The following ADCY9 variants were observed in gnomAD, a reference collection of about 807,000 sequenced individuals.
ADCY9 encodes the protein adenylate cyclase type 9.
In ADCY9, 50 loss-of-function variants were observed where a neutral mutation model predicts 101.5. The ratio of observed to expected loss-of-function variants is 0.49; its 90% CI spans 0.39 to 0.62. The LOEUF is 0.62. Ranked by LOEUF, ADCY9 falls within the 20% of genes least tolerant of loss-of-function variation. The probability of loss-of-function intolerance (pLI) is 0.00; values close to 1 mark genes in which losing one functional copy is unlikely to be tolerated. For synonymous variants in ADCY9, 905 were observed against 769.3 expected (o/e 1.18, Z -2.92); for missense variants, 1,662 against 1,800.4 (o/e 0.92, Z 1.39).
In ADCY9 at chr16:4,072,194, G is replaced by C. The variant is rs369598854; in HGVS notation, c.1693+41556C>G. ...TACAGTATCAAGCACCCTCCTTAAA[G>C]GCTCAGGGACCATGAAGGAAGAAGA... is the stretch of plus-strand genomic sequence containing the variant. On this transcript the variant is annotated intron_variant, in intron 2 of 10. Coordinates refer to ENST00000294016, the MANE Select transcript of ADCY9 (RefSeq NM_001116.4). Among the ~76,000 whole-genome samples, 41 of 152,258 alleles carry C rather than the reference G, an allele frequency of 2.7e-4. No homozygotes were observed. The South Asian group carries it at 8.1e-3, about 30-fold the overall frequency.
At chr16:4,023,624 T>C (rs2056493527) in intron 2 of ADCY9, among the ~76,000 whole-genome samples, 1 of 152,164 alleles carries the variant, frequency 6.6e-6, no homozygotes. Flanking sequence ...TTAAGAGGTT[T>C]CTGCCTGGCC....
At chr16:4,088,231 C>A (rs891946764) in intron 2 of ADCY9, among the ~76,000 whole-genome samples, 1 of 152,026 alleles carries the variant, frequency 6.6e-6, no homozygotes, top group African/African-American at 2.4e-5. Flanking sequence ...TCATGGTCAG[C>A]ATGAATCACA....
intron 2 of ADCY9, among the ~76,000 whole-genome samples, chr16:4,078,026 T>C (rs2056878800): frequency 6.7e-6 from 1 of 150,348 alleles, no homozygotes; most frequent in African/African-American, 2.4e-5. Flanking sequence ...TCAGACACAA[T>C]AAGCATTCAA....
chr16:3,974,835 C>T, intron 9 of ADCY9, 125 bp from the exon 10 acceptor site: 2 of 670,856 alleles, frequency 3.0e-6, no homozygotes, highest in South Asian at 1.7e-5. Context: ...CACATAAAGC[C>T]ACCTGCTCCC....
intron 2 of ADCY9, among the ~76,000 whole-genome samples, chr16:4,026,994 C>A (rs545834957): frequency 2.0e-5 from 3 of 152,218 alleles, no homozygotes; most frequent in Non-Finnish European, 4.4e-5. Context: ...CCTCCCGCAA[C>A]CAACCAGACT....
intron 2 of ADCY9, among the ~76,000 whole-genome samples, chr16:4,106,502 C>T (rs2057078280): frequency 6.6e-6 from 1 of 152,198 alleles, no homozygotes; most frequent in Non-Finnish European, 1.5e-5. Flanking sequence ...ATGCTAGTTC[C>T]TGTTGGAAAA....
intron 9 of ADCY9, among the ~76,000 whole-genome samples, chr16:3,975,171 C>A (rs2056083872): frequency 6.6e-6 from 1 of 152,150 alleles, no homozygotes; most frequent in South Asian, 2.1e-4. Context: ...GATGAGGGAC[C>A]TGTGATGGAT....
chr16:3,991,453 C>A (rs552921151), intron 5 of ADCY9, among the ~76,000 whole-genome samples: 26 of 152,134 alleles, frequency 1.7e-4, no homozygotes, highest in African/African-American at 5.3e-4. Context: ...AAGGACTGGA[C>A]CTGTATTTTT....
intron 2 of ADCY9, among the ~76,000 whole-genome samples, chr16:4,050,637 C>T (rs913293256): frequency 1.5e-5 from 2 of 129,154 alleles, no homozygotes; most frequent in Non-Finnish European, 3.1e-5. Flanking sequence ...CTGCTTGAAC[C>T]GGGAGGCAGA....
At chr16:4,066,770 T>C (rs2056803640) in intron 2 of ADCY9, among the ~76,000 whole-genome samples, 2 of 152,224 alleles carry the variant, frequency 1.3e-5, no homozygotes, top group African/African-American at 4.8e-5. Flanking sequence ...TATTATTCTT[T>C]AGAATAATAA....
chr16:3,975,512 T>C (rs1428303018), intron 9 of ADCY9, among the ~76,000 whole-genome samples: 1 of 152,182 alleles, frequency 6.6e-6, no homozygotes, highest in Non-Finnish European at 1.5e-5. Context: ...CTGACAATAC[T>C]GCGGCAAATA....
chr16:3,971,115 C>G (rs559871513), intron 10 of ADCY9, among the ~76,000 whole-genome samples: 2 of 152,274 alleles, frequency 1.3e-5, no homozygotes, highest in East Asian at 1.9e-4. Flanking sequence ...TAGGCACGTG[C>G]TGGGCAGAGG....
At chr16:3,966,992 G>C (rs1392164270) in intron 10 of ADCY9, 26 bp from the exon 11 acceptor site, 8 of 1,584,902 alleles carry the variant, frequency 5.0e-6, no homozygotes, top group Non-Finnish European at 6.0e-6. Flanking sequence ...ACGGGAAAGG[G>C]AGAGGTTACT....
intron 5 of ADCY9, among the ~76,000 whole-genome samples, chr16:3,991,014 G>A (rs924963495): frequency 1.3e-5 from 2 of 152,174 alleles, no homozygotes; most frequent in Non-Finnish European, 2.9e-5. Context: ...TGGCCAGGCT[G>A]GTCTTGAACC....
chr16:4,088,349 C>G (rs772732829), intron 2 of ADCY9, among the ~76,000 whole-genome samples: 3 of 151,926 alleles, frequency 2.0e-5, no homozygotes, highest in African/African-American at 4.8e-5. Flanking sequence ...TGGAGTGCAG[C>G]AGCATGATCT....
At chr16:3,988,453 G>GTTCCCTTCCAGGGTAGGTGTGGGGGA (rs2056213968) in intron 6 of ADCY9, among the ~76,000 whole-genome samples, 1 of 92,684 alleles carries the variant, frequency 1.1e-5, no homozygotes, top group Non-Finnish European at 2.6e-5. Flanking sequence ...CAGGTGGGGG[G>GTTCCCTTCCAGGGTAGGTGTGGGGGA]TTCCCTTCCA....
chr16:4,051,419 G>C (rs2056700737), intron 2 of ADCY9, among the ~76,000 whole-genome samples: 1 of 152,004 alleles, frequency 6.6e-6, no homozygotes, highest in African/African-American at 2.4e-5. Context: ...AGCTACTCGG[G>C]AGACTGAGGC....
At chr16:3,969,573 T>TATATAA (rs2056030106) in intron 10 of ADCY9, among the ~76,000 whole-genome samples, 1 of 22,358 alleles carries the variant, frequency 4.5e-5, no homozygotes, top group African/African-American at 5.6e-4. Flanking sequence ...GTTTGAAATA[T>TATATAA]ATATATATAT....
chr16:4,084,302 G>A (rs186992856), intron 2 of ADCY9, among the ~76,000 whole-genome samples: 2 of 151,990 alleles, frequency 1.3e-5, no homozygotes, highest in Admixed American at 1.3e-4. Flanking sequence ...AGTAGAGACA[G>A]GGTTTTACCA....
Sources: allele counts gnomAD v4.1 joint callset (sites outside exome capture counted in the v4.1 genomes callset), GRCh38; gene constraint gnomAD v4.1.1; transcripts MANE v1.5; gene names NCBI Gene and HGNC (gene_info 2026-07-23, HGNC 2026-07-21).